SPRED2: variants seen among roughly 807,000 people sequenced by gnomAD.
The protein encoded by SPRED2 is sprouty-related, EVH1 domain-containing protein 2.
Under a neutral mutation model 43.0 loss-of-function variants are expected in SPRED2, and 47 were observed. That is an observed-to-expected ratio of 1.09 (90% CI 0.87 to 1.40). SPRED2 has a LOEUF of 1.40. SPRED2 is among the 40% of genes most tolerant of loss of function. The pLI, the probability that SPRED2 is intolerant of heterozygous loss-of-function variation, is 0.00. For missense variants in SPRED2, 561 were observed against 586.4 expected (o/e 0.96, Z 0.45); for synonymous variants, 225 against 225.7 (o/e 1.00, Z 0.03).
chr2:65,312,781 A>G lies in SPRED2; in HGVS notation c.*720T>C. 1.0e-6 allele frequency: 1 copy of G among 985,896 alleles called. No individual in the cohort carries two copies. The highest frequency in any genetic ancestry group is 1.7e-5 in the African/African-American group (1 of 57,372). The allele number at this position is 985,896 out of a possible 1,614,324, so 61.1% of individuals were successfully genotyped here. A position where few individuals can be genotyped will look rare whatever the true frequency, so the allele number is the denominator to read the frequency against. On this transcript the variant is annotated 3_prime_UTR_variant, in exon 6 of 6. Coordinates refer to ENST00000356388, the MANE Select transcript of SPRED2 (RefSeq NM_181784.3). ...CAAGTTAATCTGAAGTTAAGGCTCAATTCTCAGTCTATTACGGGTGAATGT... is the reference window on the plus strand; with the variant it reads ...CAAGTTAATCTGAAGTTAAGGCTCAGTTCTCAGTCTATTACGGGTGAATGT...
At chr2:65,329,844 T>C (rs1673755557) in intron 4 of SPRED2, among the ~76,000 whole-genome samples, 1 of 152,212 alleles carries the variant, frequency 6.6e-6, no homozygotes, top group Non-Finnish European at 1.5e-5. Context: ...ATAGGAAGTC[T>C]GTTGGGAGCT....
intron 1 of SPRED2, among the ~76,000 whole-genome samples, chr2:65,347,622 A>G (rs1674390991): frequency 6.6e-6 from 1 of 152,184 alleles, no homozygotes; most frequent in Non-Finnish European, 1.5e-5. Context: ...TAAGCCATCC[A>G]TGATTCAAGC....
At chr2:65,344,946 T>C in intron 1 of SPRED2, 50 bp from the exon 2 acceptor site, 1 of 1,539,892 alleles carries the variant, frequency 6.5e-7, no homozygotes. Flanking sequence ...GTCTGGTAGT[T>C]GCAGAACACG....
intron 2 of SPRED2, among the ~76,000 whole-genome samples, chr2:65,339,250 C>A (rs1674104407): frequency 6.6e-6 from 1 of 151,742 alleles, no homozygotes; most frequent in Admixed American, 6.6e-5. Context: ...TGAGAATGGG[C>A]CATGATGACG....
chr2:65,360,061 T>A (rs1264535091), intron 1 of SPRED2, among the ~76,000 whole-genome samples: 1 of 90,328 alleles, frequency 1.1e-5, no homozygotes, highest in South Asian at 4.5e-4. Flanking sequence ...CGAGACTCCA[T>A]CTCAAAAAAA....
At chr2:65,417,890 G>A (rs1424950219) in intron 1 of SPRED2, among the ~76,000 whole-genome samples, 1 of 152,230 alleles carries the variant, frequency 6.6e-6, no homozygotes, top group Non-Finnish European at 1.5e-5. Context: ...CGAGTGCTGT[G>A]AGAAGTAACA....
downstream of SPRED2, among the ~76,000 whole-genome samples, chr2:65,307,549 C>CA (rs55812957): frequency 0.41 from 42,236 of 103,900 alleles, 7,177 homozygotes; most frequent in Middle Eastern, 0.51. Context: ...AACCCCTTCT[C>CA]AAAAAAAAAA....
rs1027603731 is a variant in SPRED2, at chr2:65,418,081, CAGAG to C, written c.26+13877_26+13880del. Among the ~76,000 whole-genome samples, 3 of 152,298 alleles carry C rather than the reference CAGAG, an allele frequency of 2.0e-5. No individual in the cohort carries two copies. In the East Asian group the frequency reaches 5.8e-4, roughly 29 times the overall value. ...CAGGCTCACTGCATTTAACTAAAGT[CAGAG>C]AGAAAAATCCAGCTGAGATCTGTCA... On this transcript the variant is annotated intron_variant, in intron 1 of 5. Transcript: ENST00000356388.
At chr2:65,377,614 C>T (rs1040409720) in intron 1 of SPRED2, 1 of 471,084 alleles carries the variant, frequency 2.1e-6, no homozygotes, top group African/African-American at 2.0e-5. Context: ...GAAACTCACC[C>T]CCTCCTTTCC....
intron 1 of SPRED2, among the ~76,000 whole-genome samples, chr2:65,359,076 TG>T (rs1287669607): frequency 6.6e-6 from 1 of 152,240 alleles, no homozygotes; most frequent in Non-Finnish European, 1.5e-5. Context: ...TAAGTGTTAC[TG>T]GGGAAATTCT....
rs545316744 is a variant in SPRED2, at chr2:65,314,241, C to T, written c.589-72G>A. On this transcript the variant is annotated intron_variant, in intron 5 of 5. Coordinates refer to ENST00000356388, the MANE Select transcript of SPRED2 (RefSeq NM_181784.3). ...ACAAACAAACAAAAAAACACCCCAC[C>T]TTCTCCCTCCCTAGCCGTCCAAAAT... 13 of 1,421,688 alleles carry T rather than the reference C, an allele frequency of 9.1e-6. No homozygotes were observed. In the East Asian group the frequency reaches 2.9e-4, roughly 32 times the overall value. The allele number at this position is 1,421,688 out of a possible 1,614,324, so 88.1% of individuals were successfully genotyped here. A position where few individuals can be genotyped will look rare whatever the true frequency, so the allele number is the denominator to read the frequency against.
intron 1 of SPRED2, among the ~76,000 whole-genome samples, chr2:65,346,529 G>A (rs1674355041): frequency 6.6e-6 from 1 of 151,620 alleles, no homozygotes; most frequent in East Asian, 2.0e-4. Flanking sequence ...CCACTTCCTC[G>A]ACCCCTCAGC....
intron 1 of SPRED2, among the ~76,000 whole-genome samples, chr2:65,354,631 C>G (rs1215864908): frequency 6.7e-6 from 1 of 149,434 alleles, no homozygotes; most frequent in African/African-American, 2.4e-5. Flanking sequence ...TTAAGGATAC[C>G]ACTATATTTG....
chr2:65,338,508 C>T (rs1255544585), intron 2 of SPRED2, among the ~76,000 whole-genome samples: 2 of 151,872 alleles, frequency 1.3e-5, no homozygotes, highest in East Asian at 3.9e-4. Context: ...CTGTGTTGGC[C>T]GGACTGGTCT....
intron 1 of SPRED2, among the ~76,000 whole-genome samples, chr2:65,392,377 T>C (rs1675660267): frequency 6.6e-6 from 1 of 151,956 alleles, no homozygotes; most frequent in African/African-American, 2.4e-5. Flanking sequence ...GGTATCATTA[T>C]GTTGCCCAGG....
At chr2:65,389,706 T>C (rs948436518) in intron 1 of SPRED2, among the ~76,000 whole-genome samples, 2 of 152,190 alleles carry the variant, frequency 1.3e-5, no homozygotes, top group African/African-American at 2.4e-5. Flanking sequence ...TTCTCAGAAA[T>C]TCTGACAAGT....
chr2:65,391,168 A>G (rs1675627256), intron 1 of SPRED2, among the ~76,000 whole-genome samples: 1 of 148,580 alleles, frequency 6.7e-6, no homozygotes, highest in African/African-American at 2.5e-5. Context: ...CCTTCCTTTC[A>G]AATGGGCACA....
At position 65,351,613 on chromosome 2, in the gene SPRED2, C is replaced by G. The variant is rs143875359; in HGVS notation, c.27-6717G>C. Among the ~76,000 whole-genome samples the G allele has an allele frequency of 2.0e-5, 3 of 152,294 alleles. No individual in the cohort carries two copies. In the South Asian group the frequency reaches 6.2e-4, roughly 32 times the overall value. The stretch of plus-strand genomic sequence containing the variant: ...CTCACTTTATTTTAATCACATCCCC[C>G]GCCCCCGGTCTTCCTTGTGCTTATA... On this transcript the variant is annotated intron_variant, in intron 1 of 5. Transcript: ENST00000356388.
In SPRED2 at chr2:65,387,020, T is replaced by C. The variant is rs546786365; in HGVS notation, c.27-42124A>G. 5.9e-5 allele frequency among the ~76,000 whole-genome samples: 9 copies of C among 151,584 alleles called. No individual in the cohort carries two copies. The South Asian group carries it at 1.5e-3, about 25-fold the overall frequency. On this transcript the variant is annotated intron_variant, in intron 1 of 5. Transcript: ENST00000356388. ...TAAGTTGAACCTGGTTCTAATGTTATAGAAAAACACTTCAACGTAAAGTAT... is the reference window on the plus strand; with the variant it reads ...TAAGTTGAACCTGGTTCTAATGTTACAGAAAAACACTTCAACGTAAAGTAT...
Sources: allele counts gnomAD v4.1 joint callset (sites outside exome capture counted in the v4.1 genomes callset), GRCh38; gene constraint gnomAD v4.1.1; transcripts MANE v1.5; gene names NCBI Gene and HGNC (gene_info 2026-07-23, HGNC 2026-07-21).